ARHGEF28: variants seen among roughly 807,000 people sequenced by gnomAD.
The protein encoded by ARHGEF28 is Rho guanine nucleotide exchange factor 28, also known as 190 kDa guanine nucleotide exchange factor.
ARHGEF28 carries 152 observed loss-of-function variants against 206.6 expected under a neutral mutation model. The ratio of observed to expected loss-of-function variants is 0.74; its 90% confidence interval spans 0.64 to 0.84. The LOEUF is 0.84. ARHGEF28 is among the 40% of genes least tolerant of loss of function. ARHGEF28 has a pLI of 0.00. For missense variants in ARHGEF28, 2,028 were observed against 2,073.2 expected (o/e 0.98, Z 0.42); for synonymous variants, 763 against 776.4 (o/e 0.98, Z 0.29).
chr5:73,664,531 T>C (rs927239809), intron 1 of ARHGEF28, among the ~76,000 whole-genome samples: 2 of 152,172 alleles, frequency 1.3e-5, no homozygotes, highest in African/African-American at 4.8e-5. Context: ...GTATAATATA[T>C]GGTTGTAAAG....
intron 35 of ARHGEF28, among the ~76,000 whole-genome samples, chr5:73,920,782 G>A (rs928336897): frequency 6.6e-6 from 1 of 151,966 alleles, no homozygotes; most frequent in Non-Finnish European, 1.5e-5. Flanking sequence ...CCCCCATATG[G>A]CCATGCATAG....
chr5:73,652,198 C>G (rs751595426), intron 1 of ARHGEF28, among the ~76,000 whole-genome samples: 1 of 152,052 alleles, frequency 6.6e-6, no homozygotes, highest in Non-Finnish European at 1.5e-5. Context: ...AGCTTATTAT[C>G]TAGTTGAGAA....
intron 3 of ARHGEF28, 65 bp from the exon 4 acceptor site, chr5:73,752,844 A>G (rs1752087875): frequency 1.9e-6 from 3 of 1,577,652 alleles, no homozygotes; most frequent in African/African-American, 1.3e-5. Flanking sequence ...GGGCTAGCAC[A>G]TTGGACCCCT....
intron 2 of ARHGEF28, among the ~76,000 whole-genome samples, chr5:73,689,138 G>A (rs574836983): frequency 6.6e-6 from 1 of 152,282 alleles, no homozygotes; most frequent in Non-Finnish European, 1.5e-5. Flanking sequence ...TGAGCACAAA[G>A]CAAGAATTAA....
intron 1 of ARHGEF28, among the ~76,000 whole-genome samples, chr5:73,638,167 C>T (rs896334651): frequency 2.6e-5 from 4 of 152,134 alleles, no homozygotes; most frequent in African/African-American, 9.7e-5. Context: ...TTTTTTAAAA[C>T]CCTTTCAAAG....
intron 2 of ARHGEF28, among the ~76,000 whole-genome samples, chr5:73,732,114 A>G (rs894980812): frequency 1.3e-5 from 2 of 150,316 alleles, no homozygotes; most frequent in African/African-American, 4.9e-5. Context: ...CTGATGTTGT[A>G]TATTCTATAG....
chr5:73,866,037 G>C, intron 18 of ARHGEF28, 24 bp downstream of exon 18: 2 of 1,568,098 alleles, frequency 1.3e-6, no homozygotes, highest in Non-Finnish European at 1.7e-6. Flanking sequence ...AAAACGACAA[G>C]AACTTTTAAA....
chr5:73,868,040 T>C lies in ARHGEF28; in HGVS notation c.2297+20T>C, dbSNP rs1759822658. On this transcript the variant is annotated intron_variant, in intron 19 of 35. Transcript: ENST00000513042. ...GGAAAGGTAAGGCTGAGTGTGTTTT[T>C]ACATATTAATGGCTCAGAGAGCTTC... The C allele has an allele frequency of 6.2e-7, 1 of 1,613,556 alleles. No homozygotes were observed. The highest frequency in any genetic ancestry group is 1.3e-5 in the African/African-American group (1 of 74,930).
At chr5:73,734,177 A>G (rs1336140427) in intron 2 of ARHGEF28, among the ~76,000 whole-genome samples, 21 of 152,134 alleles carry the variant, frequency 1.4e-4, no homozygotes, top group Admixed American at 1.4e-3. Flanking sequence ...AAAAAAAAGG[A>G]TGGAAGGGGC....
Position 73,918,440 on chromosome 5 carries a change from CT to C in ARHGEF28, c.4948+6868del, listed in dbSNP as rs1432755519. ...ACTCCTCCTTGTTTGGAATGTTCAC[CT>C]TTGGGTGAATTAATAGTGCAATATT... On this transcript the variant is annotated intron_variant, in intron 35 of 35. Transcript: ENST00000513042. 9.9e-5 allele frequency among the ~76,000 whole-genome samples: 15 copies of C among 152,256 alleles called. No homozygotes were observed. The East Asian group carries it at 2.7e-3, about 27-fold the overall frequency.
chr5:73,804,082 CAAAA>C (rs35722039), intron 9 of ARHGEF28, among the ~76,000 whole-genome samples: 9 of 64,304 alleles, frequency 1.4e-4, no homozygotes, highest in African/African-American at 5.5e-4. Flanking sequence ...GAGACCCTGT[CAAAA>C]AAAAAAAAAA....
chr5:73,726,845 C>A (rs7717168), intron 2 of ARHGEF28, among the ~76,000 whole-genome samples: 1 of 152,028 alleles, frequency 6.6e-6, no homozygotes, highest in African/African-American at 2.4e-5. Context: ...GTTGAGTGGT[C>A]GTAATCTAAA....
intron 20 of ARHGEF28, 32 bp from the exon 21 acceptor site, chr5:73,870,037 C>G: frequency 6.2e-7 from 1 of 1,603,038 alleles, no homozygotes; most frequent in Non-Finnish European, 8.5e-7. Context: ...CATTATTGTA[C>G]TTCTGGCTTT....
rs185809490 is a variant in ARHGEF28 at position 73,806,787 on chromosome 5, T to C, written c.1024+11396T>C. On this transcript the variant is annotated intron_variant, in intron 9 of 35. Transcript: ENST00000513042. The stretch of plus-strand genomic sequence containing the variant: ...TATACATCTATATGTGCCATATATA[T>C]GATATATCGTATACATCTATATGTG... Among the ~76,000 whole-genome samples the C allele has an allele frequency of 2.9e-3, 376 of 129,712 alleles. 35 individuals carry two copies. The highest frequency in any genetic ancestry group is 9.7e-3 in the African/African-American group (311 of 31,980). The allele number at this position is 129,712 out of a possible 152,430, so 85.1% of individuals were successfully genotyped here.
chr5:73,773,744 T>A, intron 4 of ARHGEF28, 111 bp from the exon 5 acceptor site: 8 of 1,113,662 alleles, frequency 7.2e-6, no homozygotes, highest in Non-Finnish European at 9.8e-6. Context: ...GTTAATTTCT[T>A]CCAACTCTGA....
In ARHGEF28 at chr5:73,885,830, T is replaced by A; in HGVS notation, c.3056-20T>A. On this transcript the variant is annotated intron_variant, in intron 24 of 35. Coordinates refer to ENST00000513042, the MANE Select transcript of ARHGEF28 (RefSeq NM_001177693.2). ...TTATTGTATAGTATTTTTGTTTGTT[T>A]GTTTCTTTTTCCCACGCAGAAAGAA... The A allele has an allele frequency of 6.3e-7, 1 of 1,590,334 alleles. No individual in the cohort carries two copies. The highest frequency in any genetic ancestry group is 1.2e-5 in the South Asian group (1 of 86,154).
At chr5:73,701,693 A>T (rs1196813413) in intron 2 of ARHGEF28, among the ~76,000 whole-genome samples, 3 of 152,080 alleles carry the variant, frequency 2.0e-5, no homozygotes, top group Non-Finnish European at 1.5e-5. Flanking sequence ...AATGTTATAT[A>T]TGTGTGAAGT....
At chr5:73,775,738 C>T (rs961143038) in intron 5 of ARHGEF28, among the ~76,000 whole-genome samples, 5 of 152,092 alleles carry the variant, frequency 3.3e-5, no homozygotes, top group Non-Finnish European at 5.9e-5. Flanking sequence ...TAATATTTCC[C>T]CTTGAGGTTT....
At chr5:73,750,316 T>A (rs1580565441) in intron 3 of ARHGEF28, among the ~76,000 whole-genome samples, 2 of 152,166 alleles carry the variant, frequency 1.3e-5, no homozygotes, top group South Asian at 2.1e-4. Context: ...TCACCTCCTA[T>A]AACCTCAGAC....
Sources: allele counts gnomAD v4.1 joint callset (sites outside exome capture counted in the v4.1 genomes callset), GRCh38; gene constraint gnomAD v4.1.1; transcripts MANE v1.5; gene names NCBI Gene and HGNC (gene_info 2026-07-23, HGNC 2026-07-21).